The following ZNF407 variants were observed in gnomAD, a reference collection of about 807,000 sequenced individuals.
ZNF407 encodes zinc finger protein 407.
ZNF407 carries 17 observed loss-of-function variants against 131.2 expected under a neutral mutation model. That is an observed-to-expected ratio of 0.13 (90% confidence interval 0.09 to 0.19). The LOEUF is 0.19. Among genes scored for constraint, ZNF407 ranks in the 10% least tolerant of loss-of-function variants. The pLI, the probability that ZNF407 is intolerant of heterozygous loss-of-function variation, is 1.00. For missense variants in ZNF407, 2,681 were observed against 2,830.6 expected, an observed-to-expected ratio of 0.95 and a Z score of 1.20; for synonymous variants, 1,156 against 1,062.0, an observed-to-expected ratio of 1.09 and a Z score of -1.72.
intron 8 of ZNF407, among the ~76,000 whole-genome samples, chr18:75,009,335 T>C (rs772751399): frequency 1.3e-5 from 2 of 152,210 alleles, no homozygotes; most frequent in Non-Finnish European, 2.9e-5. Flanking sequence ...GTCCTATTAA[T>C]TCAAAACTGA....
intron 4 of ZNF407, among the ~76,000 whole-genome samples, chr18:74,799,155 C>T (rs998060745): frequency 2.6e-5 from 4 of 152,094 alleles, no homozygotes; most frequent in African/African-American, 9.7e-5. Context: ...ATTGTTTAAA[C>T]TGTTCAAAGA....
At chr18:74,828,999 A>C (rs1182725328) in intron 4 of ZNF407, among the ~76,000 whole-genome samples, 1 of 152,208 alleles carries the variant, frequency 6.6e-6, no homozygotes, top group Non-Finnish European at 1.5e-5. Context: ...AGGGCCCCAC[A>C]TGTTATGTTG....
intron 8 of ZNF407, among the ~76,000 whole-genome samples, chr18:75,054,736 G>C (rs1250364321): frequency 2.0e-5 from 3 of 152,226 alleles, no homozygotes; most frequent in Non-Finnish European, 4.4e-5. Context: ...GATTCCATAA[G>C]AATGCCTATT....
chr18:74,981,661 G>A (rs1972595012), intron 8 of ZNF407, among the ~76,000 whole-genome samples: 1 of 149,026 alleles, frequency 6.7e-6, no homozygotes, highest in Non-Finnish European at 1.5e-5. Flanking sequence ...CCCTGGAGGA[G>A]CGCAGGATGT....
chr18:74,729,895 G>A (rs1291400726), intron 3 of ZNF407, among the ~76,000 whole-genome samples: 1 of 152,176 alleles, frequency 6.6e-6, no homozygotes, highest in Non-Finnish European at 1.5e-5. Context: ...GAGGTAATTT[G>A]ATCATAGAAT....
chr18:74,768,376 T>C (rs1429664942), intron 3 of ZNF407, among the ~76,000 whole-genome samples: 1 of 152,250 alleles, frequency 6.6e-6, no homozygotes, highest in Non-Finnish European at 1.5e-5. Flanking sequence ...GTGATCGTAG[T>C]GTCAATTTAC....
Position 75,063,731 on chromosome 18 carries a change from G to A in ZNF407, c.6010G>A (p.Gly2004Ser), listed in dbSNP as rs766430165. ...GGTCACTGAATTAGGGGAGGTGGAG[G>A]GCAGGGCTGGGCTCGAGGAGCAAGG... Reference protein sequence around the residue: ...CAVTELGEVEGRAGLEEQGRP... With the variant: ...CAVTELGEVESRAGLEEQGRP... The change falls in exon 9 of 9, where the codon GGC becomes AGC. Residue 2004 changes from glycine to serine, a missense_variant. Transcript: ENST00000299687. This position sits in a 1 kb window ranked among gnomAD's most constrained non-coding sequence, Gnocchi z 6.6. 1 of 1,612,248 alleles carries A rather than the reference G, an allele frequency of 6.2e-7. No individual in the cohort carries two copies.
rs1984438466 is a variant in ZNF407, at chr18:74,635,842, G to C, written c.4687+136G>C. 1.7e-6 allele frequency: 2 copies of C among 1,196,584 alleles called. No individual in the cohort carries two copies. The highest frequency in any genetic ancestry group is 3.0e-5 in the African/African-American group (2 of 65,630). 74.1% of individuals were successfully genotyped at this position (1,196,584 alleles called of 1,614,324 possible). ...TTCACTGCCGTGTGCTGCTCTGCTTGTCTGCAATAAGTCATTGTTGACACT... is the reference window on the plus strand; with the variant it reads ...TTCACTGCCGTGTGCTGCTCTGCTTCTCTGCAATAAGTCATTGTTGACACT... On this transcript the variant is annotated intron_variant, in intron 2 of 8. Coordinates refer to ENST00000299687, the MANE Select transcript of ZNF407 (RefSeq NM_017757.3). The surrounding 1 kb of genome is among the most constrained non-coding windows in gnomAD (Gnocchi z 4.7).
Position 74,631,668 on chromosome 18 carries a change from T to C in ZNF407, c.649T>C (p.Cys217Arg). ...SHMQQPKEHT[C>R]CHCSHKAESS... ...CATGCAGCAGCCTAAGGAACATACC[T>C]GTTGTCACTGCAGCCACAAAGCAGA... Residue 217 changes from cysteine (C) to arginine (R), a missense_variant, in exon 2 of 9, where the codon TGT becomes CGT. Cys to Arg is a radical substitution (Grantham distance 180, BLOSUM62 -3). Transcript: ENST00000299687. 1.2e-6 allele frequency: 2 copies of C among 1,613,992 alleles called. No individual in the cohort carries two copies. The highest frequency in any genetic ancestry group is 1.7e-6 in the Non-Finnish European group (2 of 1,179,890).
chr18:74,638,173 T>G (rs1360768408), intron 2 of ZNF407, among the ~76,000 whole-genome samples: 1 of 152,218 alleles, frequency 6.6e-6, no homozygotes, highest in Admixed American at 6.5e-5. Context: ...GTGACTTCAC[T>G]AAGAAATTCT....
At chr18:74,851,777 C>A (rs1033649651) in intron 4 of ZNF407, among the ~76,000 whole-genome samples, 4 of 152,252 alleles carry the variant, frequency 2.6e-5, no homozygotes, top group East Asian at 3.9e-4. Context: ...ATTTAGGACA[C>A]AATCAGCAAG....
intron 4 of ZNF407, among the ~76,000 whole-genome samples, chr18:74,817,854 G>A (rs879524851): frequency 3.3e-5 from 5 of 152,076 alleles, no homozygotes; most frequent in Non-Finnish European, 7.4e-5. Context: ...ACCATGAGGT[G>A]TTTTTTTGTG....
chr18:75,010,059 T>C (rs1972955914), intron 8 of ZNF407, among the ~76,000 whole-genome samples: 1 of 152,136 alleles, frequency 6.6e-6, no homozygotes, highest in Non-Finnish European at 1.5e-5. Context: ...AAGAAAACAT[T>C]ATGCACATTT....
chr18:74,720,418 G>A (rs1354159713), intron 3 of ZNF407, among the ~76,000 whole-genome samples: 2 of 151,604 alleles, frequency 1.3e-5, no homozygotes, highest in African/African-American at 4.8e-5. Context: ...CGTTGGATAA[G>A]TAGTTTACAG....
chr18:74,960,507 G>C (rs1215715481), intron 8 of ZNF407, among the ~76,000 whole-genome samples: 7 of 140,130 alleles, frequency 5.0e-5, no homozygotes, highest in African/African-American at 1.7e-4. Context: ...AAGGTCCTGA[G>C]TCAGTGCTTG....
At chr18:74,637,510 T>A (rs911589728) in intron 2 of ZNF407, among the ~76,000 whole-genome samples, 2 of 148,746 alleles carry the variant, frequency 1.3e-5, no homozygotes, top group African/African-American at 2.5e-5. Flanking sequence ...TTTTTTTTTT[T>A]AAACATCTTG....
chr18:75,049,829 C>T (rs756186398), intron 8 of ZNF407, among the ~76,000 whole-genome samples: 2 of 152,122 alleles, frequency 1.3e-5, no homozygotes, highest in African/African-American at 2.4e-5. Flanking sequence ...TCTGTTAAAA[C>T]TTGGAGCTCA....
chr18:74,771,548 T>TAATC (rs58595417), intron 3 of ZNF407, among the ~76,000 whole-genome samples: 1 of 50,380 alleles, frequency 2.0e-5, no homozygotes, highest in Non-Finnish European at 4.3e-5. Context: ...CTTTAATAAT[T>TAATC]TCAGTTTTAT....
intron 3 of ZNF407, among the ~76,000 whole-genome samples, chr18:74,773,609 A>G (rs1969407011): frequency 6.6e-6 from 1 of 152,262 alleles, no homozygotes; most frequent in African/African-American, 2.4e-5. Context: ...TTGTTTGAAT[A>G]GAATGCTGTC....
Sources: allele counts gnomAD v4.1 joint callset (sites outside exome capture counted in the v4.1 genomes callset), GRCh38; gene constraint gnomAD v4.1.1; non-coding constraint Gnocchi (gnomAD v3.1); transcripts MANE v1.5; gene names NCBI Gene and HGNC (gene_info 2026-07-23, HGNC 2026-07-21).